CFAP92: variants seen among roughly 807,000 people sequenced by gnomAD.
The protein encoded by CFAP92 is uncharacterized protein CFAP92.
Under a neutral mutation model 106.3 loss-of-function variants are expected in CFAP92, and 86 were observed. That is an observed-to-expected ratio of 0.81 (90% confidence interval 0.68 to 0.97). CFAP92 has a LOEUF of 0.97. Among genes scored for constraint, CFAP92 ranks in the 50% least tolerant of loss-of-function variants. CFAP92 has a pLI of 0.00. For missense variants in CFAP92, 1,204 were observed against 1,283.8 expected (o/e 0.94, Z 0.95); for synonymous variants, 477 against 506.4 (o/e 0.94, Z 0.78).
In CFAP92 at chr3:128,971,388, T is replaced by C; in HGVS notation, c.1067A>G (p.His356Arg). Reference sequence around the variant, plus strand: ...CTCTTCTTCTGCCAGGGGCTTCTTATGTCTCCTCTGGATTTTCCTTCTTCC... The same window carrying C: ...CTCTTCTTCTGCCAGGGGCTTCTTACGTCTCCTCTGGATTTTCCTTCTTCC... ...SEGRRKIQRR[H>R]KKPLAEEEAD... The change falls in exon 8 of 16, where the codon CAT becomes CGT. Residue 356 changes from histidine (H) to arginine (R), a missense_variant. His to Arg is a conservative substitution (Grantham distance 29). Coordinates refer to ENST00000645291, the MANE Select transcript of CFAP92 (RefSeq NM_001394090.1). 1.2e-6 allele frequency: 2 copies of C among 1,613,298 alleles called. No homozygotes were observed. The highest frequency in any genetic ancestry group is 2.7e-5 in the African/African-American group (2 of 75,038).
At chr3:128,982,136 C>T (rs1194477457) in intron 4 of CFAP92, among the ~76,000 whole-genome samples, 1 of 152,240 alleles carries the variant, frequency 6.6e-6, no homozygotes, top group Non-Finnish European at 1.5e-5. Context: ...TCCTAGATGG[C>T]AGCTTCTTCC....
At chr3:128,943,472 G>A (rs1443729737) in intron 10 of CFAP92, among the ~76,000 whole-genome samples, 1 of 152,010 alleles carries the variant, frequency 6.6e-6, no homozygotes, top group African/African-American at 2.4e-5. Context: ...GTGCCATTTT[G>A]TGTCTGGCTT....
chr3:129,003,494 G>T (rs541552320), upstream of CFAP92, among the ~76,000 whole-genome samples: 2 of 152,024 alleles, frequency 1.3e-5, no homozygotes, highest in African/African-American at 4.8e-5. Flanking sequence ...AGAGTCGCGA[G>T]GTTGGTACTA....
Position 128,911,256 on chromosome 3 carries a change from C to G in CFAP92, c.3281-923G>C, listed in dbSNP as rs917149651. Among the ~76,000 whole-genome samples, 21 of 152,222 alleles carry G rather than the reference C, an allele frequency of 1.4e-4. 1 individual carries two copies. Among genetic ancestry groups the G allele is most frequent in the East Asian group, 9.7e-4 (5 of 5,166 alleles). On this transcript the variant is annotated intron_variant, in intron 15 of 15. Coordinates refer to ENST00000645291, the MANE Select transcript of CFAP92 (RefSeq NM_001394090.1). ...TATTTTTAGTAGAAACAGGGTTTCA[C>G]CATGTTAGCCAGGCTGGTCTCCAAC...
intron 12 of CFAP92, among the ~76,000 whole-genome samples, chr3:128,921,574 A>G (rs559112565): frequency 1.3e-5 from 2 of 152,354 alleles, no homozygotes; most frequent in East Asian, 1.9e-4. Context: ...TTCTTGGGCC[A>G]TTGTTTCAAT....
chr3:128,911,433 C>G (rs1936305930), intron 15 of CFAP92, among the ~76,000 whole-genome samples: 1 of 151,926 alleles, frequency 6.6e-6, no homozygotes, highest in Admixed American at 6.6e-5. Context: ...GCATGCCTGG[C>G]TGTATTCTCT....
rs1296930695 is a variant in CFAP92 at position 128,982,565 on chromosome 3, C to T, written c.668-4380G>A. Among the ~76,000 whole-genome samples, 10 of 152,316 alleles carry T rather than the reference C, an allele frequency of 6.6e-5. No homozygotes were observed. In the South Asian group the frequency reaches 1.0e-3, roughly 16 times the overall value. On this transcript the variant is annotated intron_variant, in intron 4 of 15. Coordinates refer to ENST00000645291, the MANE Select transcript of CFAP92 (RefSeq NM_001394090.1). ...CCTTCTAGAACTTTTCCCTTACATCCTCAACTTGGCTAACTGTTCAGCACA... is the reference window on the plus strand; with the variant it reads ...CCTTCTAGAACTTTTCCCTTACATCTTCAACTTGGCTAACTGTTCAGCACA...
rs374596081 is a variant in CFAP92, at chr3:128,913,181, G to A, written c.3280+1938C>T. 7.5e-5 allele frequency: 30 copies of A among 399,130 alleles called. 1 individual carries two copies. Among genetic ancestry groups the A allele is most frequent in the Admixed American group, 1.9e-4 (7 of 37,678 alleles). 24.7% of individuals were successfully genotyped at this position (399,130 alleles called of 1,614,324 possible). A position where few individuals can be genotyped will look rare whatever the true frequency, so the allele number is the denominator to read the frequency against. ...TTAATGGGTGACAGCAGGACCCTGAGAACCACCCTTTGGTGATGGCCTCGG... is the reference window on the plus strand; with the variant it reads ...TTAATGGGTGACAGCAGGACCCTGAAAACCACCCTTTGGTGATGGCCTCGG... On this transcript the variant is annotated intron_variant, in intron 15 of 15. Transcript: ENST00000645291.
In CFAP92 at chr3:128,945,137, TG is replaced by T; in HGVS notation, c.2191del (p.His731ThrfsTer13). 1 of 1,535,932 alleles carries T rather than the reference TG, an allele frequency of 6.5e-7. No homozygotes were observed. On this transcript the variant is annotated frameshift_variant, in exon 10 of 16. Coordinates refer to ENST00000645291, the MANE Select transcript of CFAP92 (RefSeq NM_001394090.1). LOFTEE classifies it high-confidence loss of function. The part of the protein sequence containing the change: ...TGFHLLDGKT[H>X]LFILEGLADQ... Reference sequence around the variant, plus strand: ...GGCCAGGCCTTCCAGGATGAAAAGGTGTGTCTTCCCGTCCAGCAGGTGGAAG... The same window carrying T: ...GGCCAGGCCTTCCAGGATGAAAAGGTTGTCTTCCCGTCCAGCAGGTGGAAG...
At chr3:128,970,496 A>C (rs1942707575) in intron 8 of CFAP92, 1 of 151,752 alleles carries the variant, frequency 6.6e-6, no homozygotes, top group South Asian at 2.1e-4. Flanking sequence ...CAAAGTCTGA[A>C]TTTTCTCTAA....
At position 128,971,429 on chromosome 3, in the gene CFAP92, T is replaced by A. The variant is rs753159107; in HGVS notation, c.1026A>T (p.Lys342Asn). ...TCCTTCTTCCCTCTGAATCTTTCCC[T>A]TTAACTGTGAAATCAAACAAAGGAG... ...NILDRQRSQI[K>N]GKDSEGRRKI... Residue 342 changes from lysine (K) to asparagine (N), a missense_variant, in exon 8 of 16, where the codon AAA (lysine) becomes AAT (asparagine). Lys to Asn is a moderately conservative substitution (Grantham distance 94). Coordinates refer to ENST00000645291, the MANE Select transcript of CFAP92 (RefSeq NM_001394090.1). 2 of 1,601,730 alleles carry A rather than the reference T, an allele frequency of 1.2e-6. No individual in the cohort carries two copies. The highest frequency in any genetic ancestry group is 1.7e-6 in the Non-Finnish European group (2 of 1,174,180).
At chr3:128,993,362 C>T (rs1944339955) in intron 1 of CFAP92, 26 bp from the exon 2 acceptor site, 1 of 1,547,552 alleles carries the variant, frequency 6.5e-7, no homozygotes. Context: ...TGAAGGCTGT[C>T]CCCGCCTGTA....
In CFAP92 at chr3:128,910,728, T is replaced by G. The variant is rs1191426252; in HGVS notation, c.3281-395A>C. The G allele has an allele frequency of 1.4e-5, 22 of 1,614,206 alleles. No individual in the cohort carries two copies. The highest frequency in any genetic ancestry group is 1.9e-5 in the Non-Finnish European group (22 of 1,180,016). Reference sequence around the variant, plus strand: ...GAATTTGGGCATATCTTTTCTGTCCTCGGTTCTGGCAGGTTCTCTTGGCCA... The same window carrying G: ...GAATTTGGGCATATCTTTTCTGTCCGCGGTTCTGGCAGGTTCTCTTGGCCA... On this transcript the variant is annotated intron_variant, in intron 15 of 15. Coordinates refer to ENST00000645291, the MANE Select transcript of CFAP92 (RefSeq NM_001394090.1).
chr3:128,999,728 T>TGG (rs150816624), intron 1 of CFAP92, among the ~76,000 whole-genome samples: 27 of 150,910 alleles, frequency 1.8e-4, no homozygotes, highest in South Asian at 1.1e-3. Context: ...TTAGTAGAGA[T>TGG]GGGGGTGGTT....
intron 9 of CFAP92, among the ~76,000 whole-genome samples, chr3:128,961,587 T>C (rs1179737167): frequency 6.6e-6 from 1 of 152,234 alleles, no homozygotes; most frequent in Non-Finnish European, 1.5e-5. Context: ...TCAAGGTTAA[T>C]GCTCCTTTTT....
At chr3:128,967,948 G>A (rs530900833) in intron 8 of CFAP92, 25 of 152,156 alleles carry the variant, frequency 1.6e-4, no homozygotes, top group Non-Finnish European at 3.1e-4. Flanking sequence ...ACTCTCAGTC[G>A]TGCCAACCAA....
At chr3:128,947,274 C>T (rs993650705) in intron 9 of CFAP92, among the ~76,000 whole-genome samples, 7 of 151,688 alleles carry the variant, frequency 4.6e-5, no homozygotes, top group Non-Finnish European at 1.0e-4. Context: ...GTACTATATA[C>T]ATAGATTGGA....
chr3:129,010,649 G>A, the CFAP92 span, among the ~76,000 whole-genome samples: 1 of 152,166 alleles, frequency 6.6e-6, no homozygotes, highest in Non-Finnish European at 1.5e-5. This position sits in a 1 kb window ranked among gnomAD's most constrained non-coding sequence, Gnocchi z 4.3. Flanking sequence ...CCTTTGGGTG[G>A]GCCAAACTCA....
At position 128,945,218 on chromosome 3, in the gene CFAP92, G is replaced by T; in HGVS notation, c.2111C>A (p.Ala704Asp). 6.5e-7 allele frequency: 1 copy of T among 1,536,148 alleles called. No homozygotes were observed. Among genetic ancestry groups the T allele is most frequent in the Non-Finnish European group, 8.7e-7 (1 of 1,146,912 alleles). ...CTGGACCCGCACACGCACCTTGAAG[G>T]CTGACAGGATCTGCTGCAGGGTCCT... is the stretch of plus-strand genomic sequence containing the variant. ...PVRTLQQILS[A>D]FKVRVRVQEQ... is the part of the protein sequence containing the mutation. Residue 704 changes from alanine to aspartate, a missense_variant, in exon 10 of 16, where the codon GCC becomes GAC. Ala to Asp is a moderately radical substitution (Grantham distance 126, BLOSUM62 -2). Transcript: ENST00000645291.
Sources: allele counts gnomAD v4.1 joint callset (sites outside exome capture counted in the v4.1 genomes callset), GRCh38; gene constraint gnomAD v4.1.1; non-coding constraint Gnocchi (gnomAD v3.1); transcripts MANE v1.5; gene names NCBI Gene and HGNC (gene_info 2026-07-23, HGNC 2026-07-21).